The following CABIN1 variants were observed in gnomAD, a reference collection of about 807,000 sequenced individuals.
CABIN1 encodes the protein calcineurin-binding protein cabin-1.
Under a neutral mutation model 227.7 loss-of-function variants are expected in CABIN1, and 133 were observed. That is an observed-to-expected ratio of 0.58 (90% CI 0.51 to 0.67). The LOEUF (loss-of-function observed/expected upper bound fraction) is 0.67, where lower values mean the gene tolerates loss of function less well. Among genes scored for constraint, CABIN1 ranks in the 30% least tolerant of loss-of-function variants. The pLI is 0.00. For synonymous variants in CABIN1, 1,086 were observed against 1,155.1 expected (o/e 0.94, Z 1.21); for missense variants, 2,408 against 2,852.5 (o/e 0.84, Z 3.55).
chr22:24,131,947 TC>T (rs1276947198), intron 28 of CABIN1, among the ~76,000 whole-genome samples: 7 of 151,888 alleles, frequency 4.6e-5, no homozygotes, highest in Non-Finnish European at 7.4e-5. Context: ...GCACCTGTAG[TC>T]CCAGCTACTC....
At chr22:24,161,520 C>T (rs531988320) in intron 29 of CABIN1, among the ~76,000 whole-genome samples, 2 of 152,222 alleles carry the variant, frequency 1.3e-5, no homozygotes, top group South Asian at 2.1e-4. Flanking sequence ...CTCCTCGCGG[C>T]GACCCTGCTT....
intron 29 of CABIN1, among the ~76,000 whole-genome samples, chr22:24,136,225 G>C (rs1430251858): frequency 6.6e-6 from 1 of 151,782 alleles, no homozygotes; most frequent in Non-Finnish European, 1.5e-5. Context: ...GTATTTTTTC[G>C]CTAAACAATA....
intron 24 of CABIN1, among the ~76,000 whole-genome samples, chr22:24,092,250 C>G (rs1051074576): frequency 2.0e-4 from 30 of 152,112 alleles, no homozygotes; most frequent in African/African-American, 7.0e-4. Flanking sequence ...CAGCCTGTGC[C>G]CAGGCTACCC....
intron 4 of CABIN1, among the ~76,000 whole-genome samples, chr22:24,039,734 A>G (rs2037218145): frequency 6.6e-6 from 1 of 152,240 alleles, no homozygotes. Context: ...ACAGTGTATC[A>G]CTTTCAGCCT....
intron 7 of CABIN1, among the ~76,000 whole-genome samples, chr22:24,049,485 C>T (rs1378219906): frequency 6.6e-6 from 1 of 152,140 alleles, no homozygotes; most frequent in Non-Finnish European, 1.5e-5. Flanking sequence ...TGTTCGCTAG[C>T]TGTCCTCTGG....
At chr22:24,098,285 GA>G in intron 26 of CABIN1, 93 bp downstream of exon 26, 1 of 1,528,872 alleles carries the variant, frequency 6.5e-7, no homozygotes, top group Non-Finnish European at 9.0e-7. Flanking sequence ...TCGTTTTGGT[GA>G]GGGGGGGTGC....
chr22:24,041,398 A>T, intron 5 of CABIN1, 125 bp downstream of exon 5: 3 of 1,218,732 alleles, frequency 2.5e-6, no homozygotes, highest in Non-Finnish European at 3.6e-6. Context: ...TATAGTACCC[A>T]AGGCTCTAGG....
intron 22 of CABIN1, among the ~76,000 whole-genome samples, 177 bp downstream of exon 22, chr22:24,085,328 A>G (rs1378081555): frequency 6.6e-6 from 1 of 152,234 alleles, no homozygotes; most frequent in Non-Finnish European, 1.5e-5. Context: ...CAGGTTTTCC[A>G]TAAAAAGAAG....
chr22:24,159,285 C>T (rs1438923092), intron 29 of CABIN1, among the ~76,000 whole-genome samples: 1 of 152,234 alleles, frequency 6.6e-6, no homozygotes, highest in Non-Finnish European at 1.5e-5. Flanking sequence ...AGACTCAGGC[C>T]CTTGAAACTG....
At chr22:24,059,394 T>C in intron 11 of CABIN1, 31 bp downstream of exon 11, 1 of 1,613,298 alleles carries the variant, frequency 6.2e-7, no homozygotes, top group Non-Finnish European at 8.5e-7. Flanking sequence ...CCATTCACTT[T>C]GGGAATTCTT....
intron 30 of CABIN1, 59 bp downstream of exon 30, chr22:24,164,622 C>T: frequency 6.4e-7 from 1 of 1,552,414 alleles, no homozygotes; most frequent in East Asian, 2.3e-5. Context: ...GGCACACACA[C>T]CCCAGGAAGC....
chr22:24,094,237 A>AGATGATGTCAACTCT (rs2041737579), intron 24 of CABIN1, among the ~76,000 whole-genome samples: 1 of 152,230 alleles, frequency 6.6e-6, no homozygotes, highest in African/African-American at 2.4e-5. Context: ...GCCCTCAGGA[A>AGATGATGTCAACTCT]GATGATGTCA....
In CABIN1 at chr22:24,067,101, A is replaced by C. The variant is rs757230390; in HGVS notation, c.2152A>C (p.Thr718Pro). 4 of 1,614,170 alleles carry C rather than the reference A, an allele frequency of 2.5e-6. No homozygotes were observed. The highest frequency in any genetic ancestry group is 3.4e-6 in the Non-Finnish European group (4 of 1,180,016). The stretch of plus-strand genomic sequence containing the variant: ...GCATCTGCTCCGCCCCACTTTGTGC[A>C]CCAGTGGGTTTGACCGGGCCAAACA... ...VVHLLRPTLC[T>P]SGFDRAKHLE... Residue 718 changes from threonine to proline, a missense_variant, in exon 16 of 37, where the codon ACC (threonine) becomes CCC (proline). Coordinates refer to ENST00000263119, the MANE Select transcript of CABIN1 (RefSeq NM_012295.4).
At chr22:24,032,888 C>G (rs2036594040) in intron 1 of CABIN1, among the ~76,000 whole-genome samples, 1 of 152,032 alleles carries the variant, frequency 6.6e-6, no homozygotes, top group South Asian at 2.1e-4. Flanking sequence ...ACCAGCCTGG[C>G]CAACATGGTG....
At chr22:24,056,056 A>G in intron 9 of CABIN1, 136 bp from the exon 10 acceptor site, 1 of 745,298 alleles carries the variant, frequency 1.3e-6, no homozygotes, top group South Asian at 1.7e-5. Flanking sequence ...TTGTTGAAGA[A>G]GAGATGGAAG....
intron 26 of CABIN1, among the ~76,000 whole-genome samples, chr22:24,098,500 A>G (rs1602072669): frequency 6.6e-6 from 1 of 152,186 alleles, no homozygotes; most frequent in Non-Finnish European, 1.5e-5. Context: ...CATGACATCT[A>G]CTTTGAAAGG....
chr22:24,112,372 T>C (rs891304335), intron 26 of CABIN1, among the ~76,000 whole-genome samples: 13 of 152,224 alleles, frequency 8.5e-5, no homozygotes, highest in Non-Finnish European at 1.8e-4. Flanking sequence ...CAATCATAGC[T>C]CACTGCAGCC....
chr22:24,096,366 C>T (rs1235036570), intron 25 of CABIN1, among the ~76,000 whole-genome samples: 1 of 152,216 alleles, frequency 6.6e-6, no homozygotes, highest in African/African-American at 2.4e-5. Context: ...CCCTCCTGCC[C>T]TCTCCACTGG....
intron 3 of CABIN1, among the ~76,000 whole-genome samples, chr22:24,036,764 A>G (rs922109464): frequency 6.6e-5 from 10 of 152,136 alleles, no homozygotes; most frequent in African/African-American, 2.4e-4. Flanking sequence ...AAATAAACAT[A>G]TGCCTTCCCT....
Sources: allele counts gnomAD v4.1 joint callset (sites outside exome capture counted in the v4.1 genomes callset), GRCh38; gene constraint gnomAD v4.1.1; transcripts MANE v1.5; gene names NCBI Gene and HGNC (gene_info 2026-07-23, HGNC 2026-07-21).